Variants in FOXP1 observed in about 807,000 individuals in gnomAD.
FOXP1 encodes the protein forkhead box protein P1.
FOXP1 carries 15 observed loss-of-function variants against 98.2 expected under a neutral mutation model. That is an observed-to-expected ratio of 0.15 (90% CI 0.10 to 0.24). FOXP1 has a LOEUF of 0.24. Ranked by LOEUF, FOXP1 falls within the 10% of genes least tolerant of loss-of-function variation. The pLI, the probability that FOXP1 is intolerant of heterozygous loss-of-function variation, is 1.00. For missense variants in FOXP1, 633 were observed against 848.5 expected (o/e 0.75, Z 3.15); for synonymous variants, 371 against 314.5 (o/e 1.18, Z -1.90).
intron 3 of FOXP1, among the ~76,000 whole-genome samples, chr3:71,374,194 A>G (rs1231835868): frequency 6.6e-6 from 1 of 152,246 alleles, no homozygotes; most frequent in Non-Finnish European, 1.5e-5. Context: ...CATAAAGGCT[A>G]TATAATGGAG....
chr3:71,581,340 A>G, intron 2 of FOXP1: 2 of 985,444 alleles, frequency 2.0e-6, no homozygotes, highest in Non-Finnish European at 2.4e-6. Context: ...TTTCAGATTT[A>G]GGAAAGAAAG....
chr3:71,321,531 G>C (rs2075390980), intron 4 of FOXP1, among the ~76,000 whole-genome samples: 1 of 152,142 alleles, frequency 6.6e-6, no homozygotes. Context: ...CAGGTTTTCA[G>C]AGACCCACAA....
chr3:71,213,436 A>G (rs1305992526), intron 5 of FOXP1, among the ~76,000 whole-genome samples: 2 of 152,258 alleles, frequency 1.3e-5, no homozygotes, highest in Non-Finnish European at 2.9e-5. Flanking sequence ...AAAGAACTGT[A>G]TCTGAAAGAG....
At chr3:71,442,140 GC>G (rs2085995467) in intron 3 of FOXP1, among the ~76,000 whole-genome samples, 1 of 152,092 alleles carries the variant, frequency 6.6e-6, no homozygotes, top group African/African-American at 2.4e-5. Context: ...CAGACTTGGT[GC>G]CCCACTTTTG....
At chr3:71,114,824 A>G (rs1228783387) in intron 6 of FOXP1, among the ~76,000 whole-genome samples, 5 of 152,180 alleles carry the variant, frequency 3.3e-5, no homozygotes, top group Non-Finnish European at 5.9e-5. Context: ...TGTCTCAGGG[A>G]GGATTCACCA....
intron 6 of FOXP1, among the ~76,000 whole-genome samples, chr3:71,155,941 A>G (rs2060800814): frequency 6.6e-6 from 1 of 152,362 alleles, no homozygotes; most frequent in South Asian, 2.1e-4. Context: ...TGCTTTGGAC[A>G]ATCAAGGAAA....
chr3:71,277,021 C>T (rs960472026), intron 5 of FOXP1, among the ~76,000 whole-genome samples: 1 of 149,422 alleles, frequency 6.7e-6, no homozygotes, highest in African/African-American at 2.5e-5. Flanking sequence ...TGCAGTGGTG[C>T]CATCTCGGCT....
At chr3:71,258,282 C>T (rs1175775300) in intron 5 of FOXP1, among the ~76,000 whole-genome samples, 1 of 151,940 alleles carries the variant, frequency 6.6e-6, no homozygotes, top group Non-Finnish European at 1.5e-5. Flanking sequence ...CATATTTGAG[C>T]CAAGCCTTGA....
intron 5 of FOXP1, among the ~76,000 whole-genome samples, chr3:71,213,292 G>A (rs1050376348): frequency 6.6e-6 from 1 of 152,180 alleles, no homozygotes; most frequent in African/African-American, 2.4e-5. Context: ...CTTCAGTAAA[G>A]GATTCAGGAC....
chr3:71,284,101 A>T (rs2071852055), intron 5 of FOXP1, among the ~76,000 whole-genome samples: 1 of 152,220 alleles, frequency 6.6e-6, no homozygotes, highest in Non-Finnish European at 1.5e-5. Flanking sequence ...GATTAAACAA[A>T]AAAATGTTGA....
chr3:71,471,375 C>T (rs1482686960), intron 3 of FOXP1, among the ~76,000 whole-genome samples: 1 of 151,850 alleles, frequency 6.6e-6, no homozygotes, highest in Admixed American at 6.6e-5. Flanking sequence ...AGGAAAAGAA[C>T]AGGGCGAAAT....
chr3:71,077,301 T>C (rs1233375755), intron 7 of FOXP1, among the ~76,000 whole-genome samples: 16 of 152,206 alleles, frequency 1.1e-4, no homozygotes, highest in Non-Finnish European at 8.8e-5. Flanking sequence ...GGTCTCTTTT[T>C]AGTGCACTCT....
intron 3 of FOXP1, among the ~76,000 whole-genome samples, chr3:71,390,976 A>G (rs1417425202): frequency 6.6e-6 from 1 of 152,160 alleles, no homozygotes; most frequent in African/African-American, 2.4e-5. Flanking sequence ...TAAAAAATCA[A>G]ATTGTTTGTT....
chr3:71,006,626 G>T (rs1373542349), intron 12 of FOXP1, among the ~76,000 whole-genome samples: 1 of 152,042 alleles, frequency 6.6e-6, no homozygotes, highest in Non-Finnish European at 1.5e-5. Flanking sequence ...TAAAAGTATG[G>T]AGCAAAGATG....
At position 71,009,916 on chromosome 3, in the gene FOXP1, A is replaced by ATTTTTTTT. The variant is rs200610453; in HGVS notation, c.974+5625_974+5632dup. Reference sequence around the variant, plus strand: ...GGCACATGCCACGACACCCAGCTGAATTTTTTTTTTTTTTTTTTTGGCAGA... The same window carrying ATTTTTTTT: ...GGCACATGCCACGACACCCAGCTGAATTTTTTTTTTTTTTTTTTTTTTTTTTTGGCAGA... On this transcript the variant is annotated intron_variant, in intron 12 of 20. Coordinates refer to ENST00000649528, the MANE Select transcript of FOXP1 (RefSeq NM_001349338.3). Among the ~76,000 whole-genome samples the ATTTTTTTT allele has an allele frequency of 4.2e-3, 558 of 132,960 alleles. 1 individual carries two copies. The highest frequency in any genetic ancestry group is 0.014 in the African/African-American group (483 of 35,560). The allele number at this position is 132,960 out of a possible 152,430, so 87.2% of individuals were successfully genotyped here. A position where few individuals can be genotyped will look rare whatever the true frequency, so the allele number is the denominator to read the frequency against.
At chr3:71,047,292 T>C (rs932446810) in intron 9 of FOXP1, among the ~76,000 whole-genome samples, 197 bp from the exon 10 acceptor site, 3 of 152,174 alleles carry the variant, frequency 2.0e-5, no homozygotes, top group African/African-American at 7.2e-5. Context: ...GTGTTATCTT[T>C]CTACTGCCCG....
chr3:71,565,462 A>C (rs764704943), intron 2 of FOXP1, among the ~76,000 whole-genome samples: 1 of 152,170 alleles, frequency 6.6e-6, no homozygotes, highest in Non-Finnish European at 1.5e-5. Context: ...GGGGAGCTAA[A>C]CAGACTCTTA....
chr3:71,236,224 G>C (rs1435759026), intron 5 of FOXP1, among the ~76,000 whole-genome samples: 1 of 152,178 alleles, frequency 6.6e-6, no homozygotes, highest in Non-Finnish European at 1.5e-5. Flanking sequence ...TAGTGGGGTA[G>C]GTGCTATATT....
chr3:70,969,583 TCTC>T (rs1559592300), intron 19 of FOXP1: 2 of 152,246 alleles, frequency 1.3e-5, no homozygotes, highest in South Asian at 2.1e-4. Context: ...CCTGTCAGTA[TCTC>T]CTCCTTCCTC....
Sources: allele counts gnomAD v4.1 joint callset (sites outside exome capture counted in the v4.1 genomes callset), GRCh38; gene constraint gnomAD v4.1.1; transcripts MANE v1.5; gene names NCBI Gene and HGNC (gene_info 2026-07-23, HGNC 2026-07-21).